Variants in FAM20C observed in about 807,000 individuals in gnomAD.
The protein encoded by FAM20C is extracellular serine/threonine protein kinase FAM20C.
A neutral mutation model predicts 51.5 loss-of-function variants in FAM20C; 40 were observed. The observed-to-expected ratio is 0.78, with a 90% CI of 0.60 to 1.01. The LOEUF (loss-of-function observed/expected upper bound fraction) is 1.01, where lower values mean the gene tolerates loss of function less well. Among genes scored for constraint, FAM20C ranks in the 50% least tolerant of loss-of-function variants. The pLI is 0.00. For synonymous variants in FAM20C, 406 were observed against 380.6 expected (o/e 1.07, Z -0.78); for missense variants, 861 against 844.7 (o/e 1.02, Z -0.24).
chr7:211,934 C>T (rs1786739400), intron 3 of FAM20C, among the ~76,000 whole-genome samples: 1 of 115,606 alleles, frequency 8.7e-6, no homozygotes, highest in Non-Finnish European at 1.8e-5. Flanking sequence ...CTCACCGCCG[C>T]CCCCCAGGTC....
At chr7:226,226 C>T (rs1331854465) in intron 3 of FAM20C, among the ~76,000 whole-genome samples, 2 of 152,150 alleles carry the variant, frequency 1.3e-5, no homozygotes, top group East Asian at 3.9e-4. Context: ...TGTCCACGCA[C>T]CCCATGTCCC....
chr7:240,868 T>TGGCAGGG (rs1787926739), intron 3 of FAM20C, among the ~76,000 whole-genome samples: 1 of 152,146 alleles, frequency 6.6e-6, no homozygotes, highest in South Asian at 2.1e-4. Flanking sequence ...ATGGCAGGGC[T>TGGCAGGG]GGCAGGGGGC....
chr7:210,257 C>T (rs1001391828), intron 3 of FAM20C, among the ~76,000 whole-genome samples: 3 of 152,186 alleles, frequency 2.0e-5, no homozygotes, highest in Non-Finnish European at 4.4e-5. Context: ...CTTCCTTCCC[C>T]GTTTCTGTGC....
At chr7:226,575 G>T (rs1787458405) in intron 3 of FAM20C, among the ~76,000 whole-genome samples, 1 of 152,140 alleles carries the variant, frequency 6.6e-6, no homozygotes, top group South Asian at 2.1e-4. Flanking sequence ...ATACCAGGTG[G>T]TGTTAAGAGA....
At chr7:217,502 G>A (rs1158948462) in intron 3 of FAM20C, among the ~76,000 whole-genome samples, 2 of 152,232 alleles carry the variant, frequency 1.3e-5, no homozygotes, top group East Asian at 1.9e-4. Flanking sequence ...CTGGGGGGCG[G>A]TGCTGAGATG....
chr7:256,307 G>A (rs765151094), intron 6 of FAM20C: 15 of 578,442 alleles, frequency 2.6e-5, no homozygotes, highest in East Asian at 1.7e-4. Context: ...CTCTCGCCCC[G>A]TCCCTCTCCT....
chr7:201,579 G>A (rs1273451085), intron 2 of FAM20C, among the ~76,000 whole-genome samples: 1 of 152,232 alleles, frequency 6.6e-6, no homozygotes, highest in Non-Finnish European at 1.5e-5. Context: ...CTTCCTTCTA[G>A]AGCTTCCCAG....
Position 246,474 on chromosome 7 carries a change from A to G in FAM20C, c.923A>G (p.His308Arg). The change falls in exon 4 of 10, where the codon CAC becomes CGC. Residue 308 changes from histidine to arginine, a missense_variant. Physicochemically the swap from His to Arg is conservative, Grantham distance 29. This residue lies in a region of FAM20C where 561 missense variants were observed against 499.8 expected (regional missense o/e 1.12). Coordinates refer to ENST00000313766, the MANE Select transcript of FAM20C (RefSeq NM_020223.4). ...DFFYFSDYER[H>R]NAEIAAFHLD... ...TTTTATTTCTCTGACTACGAGAGGCACAATGCGGAGATTGCTGCCTTCCAC... is the reference window on the plus strand; with the variant it reads ...TTTTATTTCTCTGACTACGAGAGGCGCAATGCGGAGATTGCTGCCTTCCAC... 7.7e-7 allele frequency: 1 copy of G among 1,298,942 alleles called. No homozygotes were observed. Among genetic ancestry groups the G allele is most frequent in the Non-Finnish European group, 9.9e-7 (1 of 1,009,458 alleles). The allele number at this position is 1,298,942 out of a possible 1,614,324, so 80.5% of individuals were successfully genotyped here. A position where few individuals can be genotyped will look rare whatever the true frequency, so the allele number is the denominator to read the frequency against.
At chr7:233,160 G>A (rs1397258481) in intron 3 of FAM20C, among the ~76,000 whole-genome samples, 3 of 152,212 alleles carry the variant, frequency 2.0e-5, no homozygotes, top group African/African-American at 7.2e-5. Flanking sequence ...GGGCAGCCGC[G>A]AGAGCCATGG....
chr7:257,183 C>T (rs537121362), intron 8 of FAM20C, 97 bp downstream of exon 8: 2 of 1,183,028 alleles, frequency 1.7e-6, no homozygotes, highest in South Asian at 2.7e-5. Context: ...GGGAGCAGAC[C>T]CTCCAGTGGA....
chr7:233,279 T>C (rs1787753227), intron 3 of FAM20C, among the ~76,000 whole-genome samples: 1 of 152,182 alleles, frequency 6.6e-6, no homozygotes, highest in Non-Finnish European at 1.5e-5. Context: ...TCATTCTGTG[T>C]GGTTTTCTAA....
intron 3 of FAM20C, among the ~76,000 whole-genome samples, chr7:233,984 G>A (rs1787775381): frequency 6.6e-6 from 1 of 152,230 alleles, no homozygotes; most frequent in African/African-American, 2.4e-5. Flanking sequence ...GTTGGGGGCT[G>A]CAGGCAGCTC....
rs145538940 is a variant in FAM20C at position 210,749 on chromosome 7, G to A, written c.863+1773G>A. Among the ~76,000 whole-genome samples the A allele has an allele frequency of 2.2e-3, 332 of 152,222 alleles. 1 individual carries two copies. The highest frequency in any genetic ancestry group is 7.6e-3 in the African/African-American group (315 of 41,530). On this transcript the variant is annotated intron_variant, in intron 3 of 9. Coordinates refer to ENST00000313766, the MANE Select transcript of FAM20C (RefSeq NM_020223.4). ...AGTGTTCCTGGGCGCCAGCTTGTCC[G>A]GCCCCTATTTCATGGTCCGTGTGAA...
chr7:248,191 C>T (rs1030556586), intron 4 of FAM20C, 124 bp from the exon 5 acceptor site: 1 of 654,192 alleles, frequency 1.5e-6, no homozygotes, highest in African/African-American at 1.8e-5. Context: ...GGCAGGGACA[C>T]AGAGGCCCGC....
intron 5 of FAM20C, among the ~76,000 whole-genome samples, chr7:249,002 G>T (rs950535057): frequency 5.3e-5 from 8 of 152,256 alleles, no homozygotes; most frequent in Non-Finnish European, 1.0e-4. Flanking sequence ...ACAGCTTCAA[G>T]GTGCCACCAT....
At chr7:245,146 G>T (rs1042813809) in intron 3 of FAM20C, among the ~76,000 whole-genome samples, 1 of 152,256 alleles carries the variant, frequency 6.6e-6, no homozygotes, top group Non-Finnish European at 1.5e-5. Flanking sequence ...TATATGGAAG[G>T]AAGGACCCGG....
chr7:203,915 G>A (rs1786236777), intron 2 of FAM20C, among the ~76,000 whole-genome samples: 1 of 152,190 alleles, frequency 6.6e-6, no homozygotes, highest in Admixed American at 6.5e-5. Flanking sequence ...AATGGAAATG[G>A]GGGCATCAAA....
intron 3 of FAM20C, among the ~76,000 whole-genome samples, chr7:232,909 T>C (rs1023632372): frequency 9.9e-5 from 15 of 152,200 alleles, no homozygotes; most frequent in South Asian, 6.2e-4. Context: ...CAGGGATGGG[T>C]CCTCTGCAGA....
chr7:252,844 C>G (rs1462933324), intron 5 of FAM20C, among the ~76,000 whole-genome samples: 1 of 152,254 alleles, frequency 6.6e-6, no homozygotes, highest in African/African-American at 2.4e-5. Flanking sequence ...TTCTAAGCCC[C>G]AAACGCTCAC....
Sources: gnomAD v4.1 joint callset for allele counts (sites outside exome capture counted in the v4.1 genomes callset) on GRCh38, gnomAD v4.1.1 for gene constraint, gnomAD v4.1.1 regional missense constraint, MANE v1.5 for transcripts, NCBI Gene and HGNC (gene_info 2026-07-23, HGNC 2026-07-21) for gene names.